CECR2: variants seen among roughly 807,000 people sequenced by gnomAD.
CECR2 encodes chromatin remodeling regulator CECR2.
In CECR2, 30 loss-of-function variants were observed where a neutral mutation model predicts 154.5. The observed-to-expected ratio is 0.19, with a 90% CI of 0.15 to 0.26. CECR2 has a LOEUF of 0.26. Ranked by LOEUF, CECR2 falls within the 10% of genes least tolerant of loss-of-function variation. CECR2 has a pLI of 1.00. For synonymous variants in CECR2, 725 were observed against 683.7 expected (o/e 1.06, Z -0.94); for missense variants, 1,743 against 1,829.3 (o/e 0.95, Z 0.86).
intron 1 of CECR2, among the ~76,000 whole-genome samples, chr22:17,393,951 G>A (rs1184987575): frequency 6.7e-6 from 1 of 148,700 alleles, no homozygotes; most frequent in Admixed American, 6.8e-5. Context: ...GCAATGGCGC[G>A]ATCTCAGCTC....
intron 1 of CECR2, chr22:17,418,754 CTG>C (rs922615781): frequency 7.8e-6 from 3 of 385,532 alleles, no homozygotes; most frequent in African/African-American, 6.5e-5. Context: ...TTCCTCGACT[CTG>C]TTGGAGAGAG....
At chr22:17,501,582 T>TCAGATC (rs1335953173) in intron 5 of CECR2, among the ~76,000 whole-genome samples, 2 of 152,086 alleles carry the variant, frequency 1.3e-5, no homozygotes, top group African/African-American at 4.8e-5. Context: ...TGTAGATCAC[T>TCAGATC]CAGATCCTGA....
intron 1 of CECR2, among the ~76,000 whole-genome samples, chr22:17,473,228 GT>G (rs764250223): frequency 1.2e-4 from 19 of 152,212 alleles, no homozygotes; most frequent in African/African-American, 4.6e-4. Context: ...CTTTTCTGCT[GT>G]TTTTCCCCCC....
intron 9 of CECR2, among the ~76,000 whole-genome samples, chr22:17,526,920 C>G (rs2056275682): frequency 6.6e-6 from 1 of 151,714 alleles, no homozygotes; most frequent in Admixed American, 6.6e-5. Context: ...CACAGGCACC[C>G]AAAGCAAAAA....
intron 1 of CECR2, chr22:17,419,875 GA>G: frequency 3.6e-6 from 1 of 279,430 alleles, no homozygotes; most frequent in Middle Eastern, 1.9e-3. Context: ...AATGAGAAAA[GA>G]AAAAAGTCAT....
intron 1 of CECR2, among the ~76,000 whole-genome samples, chr22:17,462,822 G>A (rs578058708): frequency 1.3e-5 from 2 of 152,214 alleles, no homozygotes; most frequent in Non-Finnish European, 2.9e-5. Context: ...CCGAGGCAGA[G>A]AATTGCTTGA....
chr22:17,516,786 G>A (rs928886658), intron 8 of CECR2, among the ~76,000 whole-genome samples: 7 of 151,826 alleles, frequency 4.6e-5, no homozygotes, highest in African/African-American at 1.7e-4. Context: ...TAGAGATGGG[G>A]TTTCTCCATG....
chr22:17,475,088 A>G (rs561258022), intron 1 of CECR2, among the ~76,000 whole-genome samples: 2 of 152,274 alleles, frequency 1.3e-5, no homozygotes, highest in South Asian at 4.2e-4. Flanking sequence ...CTGGGGATGC[A>G]TGGACGCCAC....
chr22:17,488,723 A>C (rs929825070), intron 2 of CECR2, among the ~76,000 whole-genome samples: 3 of 152,194 alleles, frequency 2.0e-5, no homozygotes, highest in Non-Finnish European at 4.4e-5. Flanking sequence ...ATGAGCACTT[A>C]GGTTGCTTCC....
At chr22:17,546,765 G>A (rs1008210815) in intron 16 of CECR2, among the ~76,000 whole-genome samples, 14 of 151,976 alleles carry the variant, frequency 9.2e-5, no homozygotes, top group South Asian at 4.2e-4. Flanking sequence ...TTGGCTGGGC[G>A]CGGTGGCTCA....
At chr22:17,438,494 T>C (rs1416103624) in intron 1 of CECR2, among the ~76,000 whole-genome samples, 1 of 152,234 alleles carries the variant, frequency 6.6e-6, no homozygotes, top group Non-Finnish European at 1.5e-5. Context: ...AACATCAAAA[T>C]GAGCCCAAAA....
intron 1 of CECR2, among the ~76,000 whole-genome samples, chr22:17,421,408 G>A (rs1352358284): frequency 2.0e-5 from 3 of 151,992 alleles, no homozygotes; most frequent in Non-Finnish European, 4.4e-5. Flanking sequence ...GAGGTCAGGA[G>A]ATCGAGACCA....
At chr22:17,551,693 G>A (rs1378318429) in intron 17 of CECR2, among the ~76,000 whole-genome samples, 1 of 152,146 alleles carries the variant, frequency 6.6e-6, no homozygotes, top group Non-Finnish European at 1.5e-5. Context: ...CACTACTCAG[G>A]AGGGTGAGGC....
chr22:17,404,679 C>T (rs958746690), intron 1 of CECR2, among the ~76,000 whole-genome samples: 2 of 152,058 alleles, frequency 1.3e-5, no homozygotes, highest in African/African-American at 4.8e-5. Context: ...GGCCCTGGAC[C>T]CTGTTCTATG....
At chr22:17,382,224 AGAGGTT>A (rs2146477127) in intron 1 of CECR2, among the ~76,000 whole-genome samples, 1 of 152,222 alleles carries the variant, frequency 6.6e-6, no homozygotes, top group South Asian at 2.1e-4. Context: ...TAATAGAAAA[AGAGGTT>A]GAGAGAGAGA....
intron 4 of CECR2, among the ~76,000 whole-genome samples, chr22:17,500,397 G>A (rs754452823): frequency 3.9e-5 from 6 of 152,090 alleles, no homozygotes; most frequent in Non-Finnish European, 7.4e-5. Context: ...CTAGGAGAAT[G>A]CTTACTCTTC....
intron 1 of CECR2, among the ~76,000 whole-genome samples, chr22:17,446,127 A>T (rs913326618): frequency 1.6e-4 from 25 of 152,270 alleles, no homozygotes; most frequent in African/African-American, 6.0e-4. Context: ...AGATGAATCA[A>T]AATAGCCATT....
At chr22:17,480,405 C>A (rs2055286435) in intron 2 of CECR2, among the ~76,000 whole-genome samples, 1 of 133,682 alleles carries the variant, frequency 7.5e-6, no homozygotes, top group South Asian at 2.4e-4. Flanking sequence ...TTGAAACTTA[C>A]TACTCATGTA....
chr22:17,509,952 G>A (rs1219066611), intron 7 of CECR2, among the ~76,000 whole-genome samples: 1 of 152,164 alleles, frequency 6.6e-6, no homozygotes, highest in East Asian at 1.9e-4. Flanking sequence ...GTCCTGCTGT[G>A]ATGGCCATAT....
Sources: gnomAD v4.1 joint callset for allele counts (sites outside exome capture counted in the v4.1 genomes callset) on GRCh38, gnomAD v4.1.1 for gene constraint, MANE v1.5 for transcripts, NCBI Gene and HGNC (gene_info 2026-07-23, HGNC 2026-07-21) for gene names.